Variants in ANGPT1 observed in about 807,000 individuals in gnomAD.
The protein encoded by ANGPT1 is angiopoietin 1, also known as angiopoietin-1.
ANGPT1 carries 17 observed loss-of-function variants against 62.2 expected under a neutral mutation model. The ratio of observed to expected loss-of-function variants is 0.27; its 90% CI spans 0.19 to 0.41. ANGPT1 has a LOEUF of 0.41. ANGPT1 is among the 10% of genes least tolerant of loss of function. The pLI is 1.00. For missense variants in ANGPT1, 478 were observed against 594.9 expected (o/e 0.80, Z 2.04); for synonymous variants, 199 against 198.9 (o/e 1.00, Z 0.00).
At chr8:107,429,875 G>A (rs1420942714) in intron 1 of ANGPT1, among the ~76,000 whole-genome samples, 3 of 121,748 alleles carry the variant, frequency 2.5e-5, no homozygotes, top group Non-Finnish European at 5.6e-5. Context: ...GGTTTATTGT[G>A]ATTAACATAA....
chr8:107,326,371 T>C (rs1038550690), intron 3 of ANGPT1, among the ~76,000 whole-genome samples: 1 of 152,168 alleles, frequency 6.6e-6, no homozygotes, highest in Admixed American at 6.5e-5. Context: ...TTAATAACAT[T>C]TGTACTTCAG....
rs140778101 is a variant in ANGPT1, at chr8:107,370,407, A to AGGAAGGAAG, written c.298-23311_298-23310insCTTCCTTCC. Among the ~76,000 whole-genome samples the AGGAAGGAAG allele has an allele frequency of 1.9e-4, 14 of 71,972 alleles. 1 individual carries two copies. The highest frequency in any genetic ancestry group is 5.3e-4 in the South Asian group (1 of 1,894). The allele number at this position is 71,972 out of a possible 152,430, so 47.2% of individuals were successfully genotyped here. ...AAGAAAGAAAGAAAGAAAGAAAGAA[A>AGGAAGGAAG]GAGTCAGGGTCAGTGGCTCAGGCCT... On this transcript the variant is annotated intron_variant, in intron 1 of 8. Transcript: ENST00000517746.
chr8:107,338,507 C>T (rs1240020084), intron 2 of ANGPT1, among the ~76,000 whole-genome samples: 1 of 152,118 alleles, frequency 6.6e-6, no homozygotes, highest in Non-Finnish European at 1.5e-5. Context: ...CATTTATACT[C>T]TAAAAAAGTT....
intron 7 of ANGPT1, among the ~76,000 whole-genome samples, chr8:107,266,964 A>T (rs1813628694): frequency 6.6e-6 from 1 of 152,104 alleles, no homozygotes; most frequent in African/African-American, 2.4e-5. Flanking sequence ...AATCAACCCA[A>T]ATCTCATCAC....
At chr8:107,355,243 C>T (rs1036773234) in intron 1 of ANGPT1, among the ~76,000 whole-genome samples, 2 of 152,074 alleles carry the variant, frequency 1.3e-5, no homozygotes, top group African/African-American at 4.8e-5. Flanking sequence ...ATCCCTCTCC[C>T]GCTTCCCTCT....
At chr8:107,260,213 T>C (rs1334487533) in intron 8 of ANGPT1, among the ~76,000 whole-genome samples, 2 of 152,100 alleles carry the variant, frequency 1.3e-5, no homozygotes, top group African/African-American at 4.8e-5. Flanking sequence ...CTTTTACCGA[T>C]AAGGGTAATG....
chr8:107,416,911 G>T (rs915482332), intron 1 of ANGPT1, among the ~76,000 whole-genome samples: 10 of 151,350 alleles, frequency 6.6e-5, no homozygotes, highest in African/African-American at 2.4e-4. Flanking sequence ...CCCGCCTCAG[G>T]TTCCCCAGTA....
At chr8:107,423,019 T>G (rs756842087) in intron 1 of ANGPT1, among the ~76,000 whole-genome samples, 69 of 152,272 alleles carry the variant, frequency 4.5e-4, no homozygotes, top group Non-Finnish European at 1.5e-4. Context: ...ATTAATATTA[T>G]TTTTACCAAT....
chr8:107,420,603 A>T (rs1810872520), intron 1 of ANGPT1, among the ~76,000 whole-genome samples: 1 of 152,174 alleles, frequency 6.6e-6, no homozygotes, highest in East Asian at 1.9e-4. Flanking sequence ...CTCAGGTCTC[A>T]TATCCTCTCA....
chr8:107,301,945 A>C, intron 5 of ANGPT1, among the ~76,000 whole-genome samples: 1 of 151,932 alleles, frequency 6.6e-6, no homozygotes, highest in East Asian at 1.9e-4. Context: ...CATCTGGCAA[A>C]CTGGGCTCCA....
chr8:107,253,990 T>G (rs2514865), intron 8 of ANGPT1, among the ~76,000 whole-genome samples: 1 of 152,070 alleles, frequency 6.6e-6, no homozygotes, highest in Admixed American at 6.5e-5. Flanking sequence ...TGAAGCTAAG[T>G]GGGTCTGAAG....
At chr8:107,316,281 C>T (rs1159582049) in intron 4 of ANGPT1, among the ~76,000 whole-genome samples, 5 of 152,208 alleles carry the variant, frequency 3.3e-5, no homozygotes, top group African/African-American at 7.2e-5. Context: ...ACTCTACCTT[C>T]CCTGTCCAAT....
At chr8:107,443,077 T>C (rs1401853565) in intron 1 of ANGPT1, among the ~76,000 whole-genome samples, 2 of 152,182 alleles carry the variant, frequency 1.3e-5, no homozygotes, top group Non-Finnish European at 2.9e-5. Flanking sequence ...ACTTTGTGTT[T>C]GTGTGTGTGT....
intron 8 of ANGPT1, among the ~76,000 whole-genome samples, chr8:107,256,829 G>A (rs1813367288): frequency 6.6e-6 from 1 of 151,760 alleles, no homozygotes; most frequent in South Asian, 2.1e-4. Context: ...ATGTTTTTTT[G>A]TTTTGTTTTG....
chr8:107,465,158 T>C (rs1812169481), intron 1 of ANGPT1, among the ~76,000 whole-genome samples: 1 of 152,056 alleles, frequency 6.6e-6, no homozygotes, highest in South Asian at 2.1e-4. Context: ...TATACAGAAG[T>C]AAGAATTCAG....
At chr8:107,367,377 C>G (rs962267332) in intron 1 of ANGPT1, among the ~76,000 whole-genome samples, 6 of 152,118 alleles carry the variant, frequency 3.9e-5, no homozygotes, top group South Asian at 2.1e-4. Context: ...GAATCCTAAT[C>G]TTTTTGCTGG....
chr8:107,410,155 G>C (rs138466825), intron 1 of ANGPT1, among the ~76,000 whole-genome samples: 1,606 of 152,246 alleles, frequency 0.011, 32 homozygotes, highest in African/African-American at 0.036. Context: ...AAGGTCAGAG[G>C]GGTCAAGCAC....
chr8:107,380,359 T>TTGTGTGTGTGTGTGTG (rs71308731), intron 1 of ANGPT1, among the ~76,000 whole-genome samples: 15 of 148,788 alleles, frequency 1.0e-4, no homozygotes, highest in African/African-American at 3.2e-4. Context: ...TGCAGGATGT[T>TTGTGTGTGTGTGTGTG]TGTGTGTGTG....
At chr8:107,278,565 C>G (rs1006622816) in intron 7 of ANGPT1, among the ~76,000 whole-genome samples, 15 of 152,156 alleles carry the variant, frequency 9.9e-5, no homozygotes, top group Admixed American at 6.5e-5. Flanking sequence ...TTGTAAGGTT[C>G]TAAGCTGGGG....
Sources: allele counts gnomAD v4.1 joint callset (sites outside exome capture counted in the v4.1 genomes callset), GRCh38; gene constraint gnomAD v4.1.1; transcripts MANE v1.5; gene names NCBI Gene and HGNC (gene_info 2026-07-23, HGNC 2026-07-21).